Variants in GADL1 observed in about 807,000 individuals in gnomAD.
The protein encoded by GADL1 is GAD like acidic amino acid decarboxylase 1.
A neutral mutation model predicts 69.5 loss-of-function variants in GADL1; 71 were observed. The ratio of observed to expected loss-of-function variants is 1.02; its 90% CI spans 0.84 to 1.25. The LOEUF (loss-of-function observed/expected upper bound fraction) is 1.25. GADL1 is among the 50% of genes most tolerant of loss of function. GADL1 has a pLI of 0.00. For synonymous variants in GADL1, 254 were observed against 214.4 expected (o/e 1.18, Z -1.62); for missense variants, 737 against 631.8 (o/e 1.17, Z -1.79).
chr3:30,737,760 G>A (rs2125471414), intron 14 of GADL1, among the ~76,000 whole-genome samples: 1 of 152,228 alleles, frequency 6.6e-6, no homozygotes, highest in South Asian at 2.1e-4. Context: ...TTTCAAATAT[G>A]AATTTTACCC....
chr3:30,770,747 T>TGAA (rs1696397967), intron 14 of GADL1, among the ~76,000 whole-genome samples: 2 of 152,180 alleles, frequency 1.3e-5, no homozygotes, highest in Non-Finnish European at 2.9e-5. Context: ...TTCTTTATTT[T>TGAA]AATTTTCAAG....
intron 1 of GADL1, among the ~76,000 whole-genome samples, chr3:30,889,084 TAAAAAAAAAA>T (rs60227313): frequency 6.1e-4 from 20 of 32,912 alleles, no homozygotes; most frequent in Admixed American, 2.3e-3. Context: ...CGGTAATCTA[TAAAAAAAAAA>T]AAAAAAAAAA....
chr3:30,813,944 T>C (rs530541352), intron 11 of GADL1, among the ~76,000 whole-genome samples: 1 of 152,316 alleles, frequency 6.6e-6, no homozygotes, highest in Admixed American at 6.5e-5. Flanking sequence ...ACAAAAAACG[T>C]TTCCACTATA....
chr3:30,810,833 C>T (rs1697337660), intron 11 of GADL1, among the ~76,000 whole-genome samples: 1 of 152,070 alleles, frequency 6.6e-6, no homozygotes, highest in Non-Finnish European at 1.5e-5. Flanking sequence ...AAATAGCAGC[C>T]TTCCACGCAA....
At chr3:30,757,209 C>A (rs1559489522) in intron 14 of GADL1, among the ~76,000 whole-genome samples, 2 of 152,202 alleles carry the variant, frequency 1.3e-5, no homozygotes, top group East Asian at 3.9e-4. Flanking sequence ...CCTCCTGGAC[C>A]TTCATCAAAT....
intron 14 of GADL1, among the ~76,000 whole-genome samples, chr3:30,766,077 A>AT (rs1169643484): frequency 6.6e-6 from 1 of 152,202 alleles, no homozygotes; most frequent in Non-Finnish European, 1.5e-5. Flanking sequence ...AATTGACTGT[A>AT]TTGGTTAAAT....
At chr3:30,843,258 C>CTTTT (rs71094001) in intron 8 of GADL1, among the ~76,000 whole-genome samples, 3 of 139,206 alleles carry the variant, frequency 2.2e-5, no homozygotes, top group South Asian at 2.3e-4. Context: ...AATGATACAC[C>CTTTT]TTTTTTTTTT....
At chr3:30,794,422 G>GT (rs1420801919) in intron 12 of GADL1, among the ~76,000 whole-genome samples, 25 of 152,248 alleles carry the variant, frequency 1.6e-4, no homozygotes, top group African/African-American at 5.3e-4. Context: ...AGGTAACCTT[G>GT]TATAGTAAAA....
intron 11 of GADL1, among the ~76,000 whole-genome samples, chr3:30,821,592 G>A (rs930480615): frequency 6.6e-6 from 1 of 151,858 alleles, no homozygotes; most frequent in Non-Finnish European, 1.5e-5. Context: ...ATATTACTAG[G>A]TTGGAAGGCT....
intron 14 of GADL1, among the ~76,000 whole-genome samples, chr3:30,770,112 G>GCT (rs1032307124): frequency 2.6e-5 from 4 of 152,140 alleles, no homozygotes; most frequent in African/African-American, 9.7e-5. Context: ...GTTCCCTTTA[G>GCT]CTGGGACCAA....
intron 11 of GADL1, among the ~76,000 whole-genome samples, chr3:30,807,385 C>T (rs1697273728): frequency 6.6e-6 from 1 of 152,200 alleles, no homozygotes; most frequent in Non-Finnish European, 1.5e-5. Context: ...TAGAAGTAGG[C>T]TGAGTTGACG....
At chr3:30,818,871 C>T (rs1347955941) in intron 11 of GADL1, among the ~76,000 whole-genome samples, 2 of 152,110 alleles carry the variant, frequency 1.3e-5, no homozygotes, top group Non-Finnish European at 2.9e-5. Context: ...ACCTGAATAT[C>T]TGCTATGGCC....
At chr3:30,803,292 T>TCAGGAAATTTGGTTGTTTCCATAG (rs1697196410) in intron 11 of GADL1, among the ~76,000 whole-genome samples, 1 of 152,102 alleles carries the variant, frequency 6.6e-6, no homozygotes, top group Non-Finnish European at 1.5e-5. Context: ...CCCTCAAAAG[T>TCAGGAAATTTGGTTGTTTCCATAG]CAGGAAATTT....
intron 11 of GADL1, among the ~76,000 whole-genome samples, chr3:30,824,175 C>A (rs1193440905): frequency 6.6e-6 from 1 of 151,132 alleles, no homozygotes; most frequent in Non-Finnish European, 1.5e-5. Flanking sequence ...ATTTTTAAAG[C>A]TTGAAAATTT....
chr3:30,863,710 CA>C (rs5847670), intron 1 of GADL1, among the ~76,000 whole-genome samples: 31 of 150,666 alleles, frequency 2.1e-4, no homozygotes, highest in African/African-American at 7.0e-4. Flanking sequence ...CAATGGTCTA[CA>C]AAAAAAAACC....
At chr3:30,893,015 C>T (rs898759194) in intron 1 of GADL1, among the ~76,000 whole-genome samples, 6 of 152,116 alleles carry the variant, frequency 3.9e-5, no homozygotes, top group Admixed American at 2.6e-4. Flanking sequence ...CCAGCACGCC[C>T]GGCTAATTTT....
intron 14 of GADL1, among the ~76,000 whole-genome samples, chr3:30,741,740 T>G (rs924578364): frequency 3.3e-5 from 5 of 152,202 alleles, no homozygotes; most frequent in African/African-American, 1.2e-4. Flanking sequence ...ATGGTGTTTT[T>G]CAGTTTCAAA....
chr3:30,821,406 T>TC (rs1491474629), intron 11 of GADL1, among the ~76,000 whole-genome samples: 4 of 152,160 alleles, frequency 2.6e-5, no homozygotes, highest in East Asian at 1.9e-4. Flanking sequence ...GTCTTTTTTT[T>TC]CTCTTTTTTT....
chr3:30,759,929 G>C (rs1002805334), intron 14 of GADL1, among the ~76,000 whole-genome samples: 1 of 152,152 alleles, frequency 6.6e-6, no homozygotes, highest in South Asian at 2.1e-4. Context: ...TCACTCATAA[G>C]AACATGCCTC....
Sources: gnomAD v4.1 joint callset for allele counts (sites outside exome capture counted in the v4.1 genomes callset) on GRCh38, gnomAD v4.1.1 for gene constraint, MANE v1.5 for transcripts, NCBI Gene and HGNC (gene_info 2026-07-23, HGNC 2026-07-21) for gene names.